The following PARD3 variants were observed in gnomAD, a reference collection of about 807,000 sequenced individuals.
PARD3 encodes the protein par-3 family cell polarity regulator.
Under a neutral mutation model 155.4 loss-of-function variants are expected in PARD3, and 75 were observed. The ratio of observed to expected loss-of-function variants is 0.48; its 90% CI spans 0.40 to 0.58. The LOEUF is 0.58. PARD3 is among the 20% of genes least tolerant of loss of function. PARD3 has a pLI of 0.00. For synonymous variants in PARD3, 576 were observed against 610.5 expected, an observed-to-expected ratio of 0.94 and a Z score of 0.83; for missense variants, 1,642 against 1,721.7, an observed-to-expected ratio of 0.95 and a Z score of 0.82.
chr10:34,571,809 A>C (rs936795220), intron 2 of PARD3, among the ~76,000 whole-genome samples: 3 of 152,218 alleles, frequency 2.0e-5, no homozygotes, highest in Non-Finnish European at 4.4e-5. Flanking sequence ...TGCAGGTATT[A>C]ATATCTGTAC....
At chr10:34,261,768 G>GAAA (rs1564528112) in intron 22 of PARD3, among the ~76,000 whole-genome samples, 1 of 129,912 alleles carries the variant, frequency 7.7e-6, no homozygotes. Context: ...AAGGAAGGAA[G>GAAA]GAAGAAAGAA....
intron 1 of PARD3, among the ~76,000 whole-genome samples, chr10:34,762,077 G>A (rs1837511755): frequency 6.6e-6 from 1 of 152,088 alleles, no homozygotes; most frequent in South Asian, 2.1e-4. Context: ...AAATAAGTTG[G>A]TCTTTAAAAA....
At position 34,264,889 on chromosome 10, in the gene PARD3, G is replaced by A. The variant is rs1484126395; in HGVS notation, c.3419+4768C>T. 2.0e-5 allele frequency among the ~76,000 whole-genome samples: 3 copies of A among 151,936 alleles called. No individual in the cohort carries two copies. The East Asian group carries it at 5.8e-4, about 29-fold the overall frequency. On this transcript the variant is annotated intron_variant, in intron 22 of 24. Transcript: ENST00000374788. ...CCTGGCCTCCCGAGTAGCTGGGACTGTAGATGCATGTCACCACGCCTGGCT... is the reference window on the plus strand; with the variant it reads ...CCTGGCCTCCCGAGTAGCTGGGACTATAGATGCATGTCACCACGCCTGGCT...
intron 3 of PARD3, among the ~76,000 whole-genome samples, chr10:34,500,626 A>G (rs1950476673): frequency 6.6e-6 from 1 of 152,098 alleles, no homozygotes; most frequent in Non-Finnish European, 1.5e-5. Context: ...CTGTAATCCT[A>G]GCTTACTCAG....
intron 2 of PARD3, among the ~76,000 whole-genome samples, chr10:34,543,519 C>T (rs2083807172): frequency 6.6e-6 from 1 of 152,170 alleles, no homozygotes; most frequent in African/African-American, 2.4e-5. Context: ...AACCTGTTCC[C>T]AGGCAAGGCC....
intron 2 of PARD3, among the ~76,000 whole-genome samples, chr10:34,644,251 T>C (rs1383406572): frequency 6.6e-6 from 1 of 152,172 alleles, no homozygotes; most frequent in East Asian, 1.9e-4. Flanking sequence ...ACATCTGCCC[T>C]GCAGCTGAAA....
rs767144768 is a variant in PARD3 at position 34,131,578 on chromosome 10, C to T, written c.3425G>A (p.Arg1142Lys). Residue 1142 changes from arginine (R) to lysine (K), a missense_variant, in exon 23 of 25, where the codon AGA (arginine) becomes AAA (lysine). Arg to Lys is a conservative substitution (Grantham distance 26). Around this residue, in one of 3 missense-constraint regions of PARD3, gnomAD observed 1,529 missense variants for 1,587.3 expected, o/e 0.96. Coordinates refer to ENST00000374788, the MANE Select transcript of PARD3 (RefSeq NM_001184785.2). ...CCGATCATGATTGCTAGGAGTTGAT[C>T]TGTTACTGAAAGAGAGATGAGGCAG... Reference protein sequence around the residue: ...NSKPSPVDSNRSTPSNHDRIQ... With the variant: ...NSKPSPVDSNKSTPSNHDRIQ... The T allele has an allele frequency of 1.9e-6, 3 of 1,613,676 alleles. No homozygotes were observed. Among genetic ancestry groups the T allele is most frequent in the Non-Finnish European group, 2.5e-6 (3 of 1,179,768 alleles).
intron 2 of PARD3, among the ~76,000 whole-genome samples, chr10:34,678,178 G>T (rs2093746568): frequency 6.6e-6 from 1 of 152,084 alleles, no homozygotes; most frequent in South Asian, 2.1e-4. Flanking sequence ...AGGCTCAGGT[G>T]ATTCTCCCAC....
intron 3 of PARD3, among the ~76,000 whole-genome samples, chr10:34,507,414 TATAA>T (rs2081138009): frequency 6.6e-6 from 1 of 151,618 alleles, no homozygotes; most frequent in Non-Finnish European, 1.5e-5. Flanking sequence ...TACTCCAATT[TATAA>T]ATAAACAATA....
At chr10:34,512,706 C>T (rs1361334368) in intron 3 of PARD3, among the ~76,000 whole-genome samples, 2 of 152,152 alleles carry the variant, frequency 1.3e-5, no homozygotes, top group African/African-American at 4.8e-5. Flanking sequence ...AAAACTAAAA[C>T]ATATCAGGAA....
chr10:34,766,762 C>T lies in PARD3; in HGVS notation c.120+48114G>A, dbSNP rs561428996. ...GACTCCCTGACTCAAAAGGACCTAC[C>T]GTCAGACAACTATGCACACAATTAC... is the stretch of plus-strand genomic sequence containing the variant. On this transcript the variant is annotated intron_variant, in intron 1 of 24. Coordinates refer to ENST00000374788, the MANE Select transcript of PARD3 (RefSeq NM_001184785.2). 3.3e-5 allele frequency among the ~76,000 whole-genome samples: 5 copies of T among 152,122 alleles called. No homozygotes were observed. In the South Asian group the frequency reaches 1.0e-3, roughly 32 times the overall value.
intron 2 of PARD3, among the ~76,000 whole-genome samples, chr10:34,580,027 T>C (rs1479706959): frequency 1.3e-5 from 2 of 151,968 alleles, no homozygotes; most frequent in African/African-American, 4.8e-5. Flanking sequence ...AATTCTCCTG[T>C]CTCAGCCTCC....
At chr10:34,143,919 G>C (rs1948329393) in intron 22 of PARD3, among the ~76,000 whole-genome samples, 1 of 151,910 alleles carries the variant, frequency 6.6e-6, no homozygotes, top group Non-Finnish European at 1.5e-5. Flanking sequence ...TTATGCTCTT[G>C]ATGAACTTCA....
intron 18 of PARD3, among the ~76,000 whole-genome samples, chr10:34,333,939 C>T (rs1835879158): frequency 6.6e-6 from 1 of 151,686 alleles, no homozygotes; most frequent in Admixed American, 6.6e-5. Flanking sequence ...AGTCAAATGT[C>T]TTTAGAAAAA....
intron 5 of PARD3, among the ~76,000 whole-genome samples, chr10:34,412,283 G>C (rs186941088): frequency 6.6e-6 from 1 of 151,976 alleles, no homozygotes; most frequent in Non-Finnish European, 1.5e-5. Flanking sequence ...TAATCCCGTA[G>C]ATATCATATA....
intron 2 of PARD3, among the ~76,000 whole-genome samples, chr10:34,644,263 C>G (rs2092767504): frequency 1.3e-5 from 2 of 152,198 alleles, no homozygotes; most frequent in Admixed American, 1.3e-4. Flanking sequence ...CAGCTGAAAA[C>G]TGATAAAACA....
At chr10:34,476,326 T>C (rs2078701555) in intron 3 of PARD3, among the ~76,000 whole-genome samples, 1 of 152,176 alleles carries the variant, frequency 6.6e-6, no homozygotes, top group African/African-American at 2.4e-5. Context: ...GGGTAAAGAA[T>C]ACATTTGGTG....
intron 22 of PARD3, among the ~76,000 whole-genome samples, chr10:34,177,714 G>A (rs1950097302): frequency 1.3e-5 from 2 of 152,128 alleles, no homozygotes; most frequent in East Asian, 1.9e-4. Flanking sequence ...CTCTTGAAAG[G>A]GCAGGAAGCC....
At chr10:34,143,434 TTATCATTCAGGCA>T in intron 22 of PARD3, among the ~76,000 whole-genome samples, 1 of 152,344 alleles carries the variant, frequency 6.6e-6, no homozygotes, top group South Asian at 2.1e-4. Context: ...TAGAAAGGTT[TTATCATTCAGGCA>T]TAGAAACTAA....
Sources: gnomAD v4.1 joint callset for allele counts (sites outside exome capture counted in the v4.1 genomes callset) on GRCh38, gnomAD v4.1.1 for gene constraint, gnomAD v4.1.1 regional missense constraint, MANE v1.5 for transcripts, NCBI Gene and HGNC (gene_info 2026-07-23, HGNC 2026-07-21) for gene names.